TAFA2: variants seen among roughly 807,000 people sequenced by gnomAD.
The protein encoded by TAFA2 is TAFA chemokine like family member 2.
A neutral mutation model predicts 18.8 loss-of-function variants in TAFA2; 7 were observed. The observed-to-expected ratio is 0.37, with a 90% CI of 0.21 to 0.70. The LOEUF (loss-of-function observed/expected upper bound fraction) is 0.70, where lower values mean the gene tolerates loss of function less well. Among genes scored for constraint, TAFA2 ranks in the 30% least tolerant of loss-of-function variants. TAFA2 has a pLI of 0.53. For missense variants in TAFA2, 122 were observed against 158.1 expected, an observed-to-expected ratio of 0.77 and a Z score of 1.23; for synonymous variants, 60 against 54.2, an observed-to-expected ratio of 1.11 and a Z score of -0.47.
At chr12:61,875,303 C>A (rs1874794084) in intron 1 of TAFA2, among the ~76,000 whole-genome samples, 1 of 152,036 alleles carries the variant, frequency 6.6e-6, no homozygotes, top group Non-Finnish European at 1.5e-5. Flanking sequence ...TCAGTCTTAA[C>A]CCTAAACTAC....
intron 1 of TAFA2, among the ~76,000 whole-genome samples, chr12:61,946,409 T>A (rs1300895717): frequency 8.3e-6 from 1 of 120,310 alleles, no homozygotes; most frequent in Non-Finnish European, 1.7e-5. Flanking sequence ...AAGGACTTCA[T>A]GTCCAAAACA....
chr12:61,711,899 G>C (rs905933804), intron 4 of TAFA2, among the ~76,000 whole-genome samples: 1 of 151,926 alleles, frequency 6.6e-6, no homozygotes, highest in African/African-American at 2.4e-5. Flanking sequence ...GCATAGCATT[G>C]ATCTCATTAT....
intron 1 of TAFA2, among the ~76,000 whole-genome samples, chr12:61,929,705 T>A (rs969249307): frequency 2.0e-5 from 3 of 151,860 alleles, no homozygotes; most frequent in African/African-American, 4.8e-5. Context: ...CACATGCACA[T>A]GTATGTTTAT....
intron 1 of TAFA2, among the ~76,000 whole-genome samples, chr12:61,901,640 T>C (rs1876105160): frequency 6.6e-6 from 1 of 152,180 alleles, no homozygotes; most frequent in South Asian, 2.1e-4. Flanking sequence ...GCATTAGTAC[T>C]TGGCCTGTAA....
chr12:61,718,913 G>C (rs1389796840), intron 4 of TAFA2, among the ~76,000 whole-genome samples: 1 of 152,128 alleles, frequency 6.6e-6, no homozygotes, highest in South Asian at 2.1e-4. Flanking sequence ...TGGAGTTAGG[G>C]GTGAAGAAGA....
At chr12:62,186,912 A>G (rs2062590034) in intron 1 of TAFA2, among the ~76,000 whole-genome samples, 1 of 152,168 alleles carries the variant, frequency 6.6e-6, no homozygotes, top group African/African-American at 2.4e-5. Flanking sequence ...TCCACTGACT[A>G]GCTTGCCTAA....
chr12:62,222,099 CT>C (rs2062765455), intron 1 of TAFA2, among the ~76,000 whole-genome samples: 1 of 152,152 alleles, frequency 6.6e-6, no homozygotes, highest in South Asian at 2.1e-4. Flanking sequence ...CGGTCTGTTT[CT>C]GTGATAGAGG....
chr12:62,038,730 T>C (rs921956712), intron 1 of TAFA2, among the ~76,000 whole-genome samples: 3 of 152,146 alleles, frequency 2.0e-5, no homozygotes, highest in African/African-American at 7.2e-5. Flanking sequence ...TTCACTTCAT[T>C]TGATCACTTA....
chr12:62,089,846 A>G (rs748936471), intron 1 of TAFA2, among the ~76,000 whole-genome samples: 5 of 152,098 alleles, frequency 3.3e-5, no homozygotes, highest in Non-Finnish European at 7.4e-5. Flanking sequence ...ACTTTTGCTT[A>G]TGCAAATATC....
At chr12:61,717,358 T>G (rs10877723) in intron 4 of TAFA2, among the ~76,000 whole-genome samples, 42,951 of 152,056 alleles carry the variant, frequency 0.28, 6,758 homozygotes, top group South Asian at 0.38. Context: ...GACATATGAA[T>G]CACTTTTATA....
Position 61,833,506 on chromosome 12 carries a change from T to A in TAFA2, c.106+33814A>T, listed in dbSNP as rs74095482. 4.5e-3 allele frequency among the ~76,000 whole-genome samples: 680 copies of A among 152,192 alleles called. 7 individuals are homozygous for A. Among genetic ancestry groups the A allele is most frequent in the African/African-American group, 0.016 (666 of 41,564 alleles). On this transcript the variant is annotated intron_variant, in intron 2 of 4. Transcript: ENST00000416284. Reference sequence around the variant, plus strand: ...TATCATTTGACTGGATTCTTATTTTTTCTTAATTAAATGACAGCCATTTCT... The same window carrying A: ...TATCATTTGACTGGATTCTTATTTTATCTTAATTAAATGACAGCCATTTCT...
At chr12:62,057,294 T>C (rs764448456) in intron 1 of TAFA2, among the ~76,000 whole-genome samples, 85 of 152,138 alleles carry the variant, frequency 5.6e-4, no homozygotes, top group Non-Finnish European at 6.2e-4. Context: ...CTTGTTAATA[T>C]CTCAGTTTTG....
intron 1 of TAFA2, among the ~76,000 whole-genome samples, chr12:62,233,551 C>G (rs1386986142): frequency 6.6e-6 from 1 of 152,200 alleles, no homozygotes; most frequent in Admixed American, 6.5e-5. Flanking sequence ...GACCTCTCGT[C>G]TTACATAACA....
chr12:61,828,376 T>A (rs1872599621), intron 2 of TAFA2, among the ~76,000 whole-genome samples: 1 of 151,986 alleles, frequency 6.6e-6, no homozygotes, highest in African/African-American at 2.4e-5. Flanking sequence ...ATAACTAAAA[T>A]GCCCATTTAG....
chr12:62,176,141 G>GA (rs1029377414), intron 1 of TAFA2, among the ~76,000 whole-genome samples: 7 of 151,882 alleles, frequency 4.6e-5, no homozygotes, highest in East Asian at 3.9e-4. Context: ...CATATTATTA[G>GA]AAAAAATCTA....
intron 2 of TAFA2, among the ~76,000 whole-genome samples, chr12:61,757,083 A>G (rs1413895770): frequency 1.3e-5 from 2 of 152,084 alleles, no homozygotes; most frequent in Non-Finnish European, 2.9e-5. Flanking sequence ...AAATAGTATT[A>G]CATCATCTAT....
chr12:61,945,112 C>T (rs1409339775), intron 1 of TAFA2, among the ~76,000 whole-genome samples: 14 of 124,326 alleles, frequency 1.1e-4, no homozygotes, highest in Non-Finnish European at 1.8e-4. Flanking sequence ...CCACCATGAT[C>T]AAGTGGGCTT....
At chr12:61,905,253 C>G (rs550134696) in intron 1 of TAFA2, among the ~76,000 whole-genome samples, 1 of 152,226 alleles carries the variant, frequency 6.6e-6, no homozygotes, top group African/African-American at 2.4e-5. Flanking sequence ...TAAGAGATTA[C>G]TGTTCAAAAG....
rs1037242939 is a variant in TAFA2, at chr12:62,241,113, G to A, written c.-130+17650C>T. On this transcript the variant is annotated intron_variant, in intron 1 of 5. Transcript: ENST00000551619. ...TCCTTGAGGAAGTATGTCTGATTTC[G>A]GTTTTGGTACCAACCAGCACCAAAC... 2.6e-5 allele frequency among the ~76,000 whole-genome samples: 4 copies of A among 152,058 alleles called. No individual in the cohort carries two copies. In the East Asian group the frequency reaches 5.8e-4, roughly 22 times the overall value.
Sources: gnomAD v4.1 joint callset for allele counts (sites outside exome capture counted in the v4.1 genomes callset) on GRCh38, gnomAD v4.1.1 for gene constraint, MANE v1.5 for transcripts, NCBI Gene and HGNC (gene_info 2026-07-23, HGNC 2026-07-21) for gene names.